Variants in NTRK3 observed in about 807,000 individuals in gnomAD.
NTRK3 encodes the protein NT-3 growth factor receptor.
In NTRK3, 24 loss-of-function variants were observed where a neutral mutation model predicts 91.7. The ratio of observed to expected loss-of-function variants is 0.26; its 90% CI spans 0.19 to 0.37. NTRK3 has a LOEUF of 0.37. NTRK3 is among the 10% of genes least tolerant of loss of function. The pLI is 1.00. For synonymous variants in NTRK3, 483 were observed against 404.0 expected, an observed-to-expected ratio of 1.20 and a Z score of -2.34; for missense variants, 880 against 1,068.9, an observed-to-expected ratio of 0.82 and a Z score of 2.46.
chr15:88,097,470 T>C (rs1485931308), intron 13 of NTRK3, among the ~76,000 whole-genome samples: 27 of 152,206 alleles, frequency 1.8e-4, no homozygotes, highest in Admixed American at 1.4e-3. Context: ...GATAGAGGCT[T>C]TGTTGATTGG....
rs7174995 is a variant in NTRK3, at chr15:88,137,756, T to A, written c.465-195A>T. Among the ~76,000 whole-genome samples the A allele has an allele frequency of 0.52, 79,625 of 152,070 alleles. 21,686 individuals are homozygous for A. Among genetic ancestry groups the A allele is most frequent in the African/African-American group, 0.69 (28,622 of 41,494 alleles). On this transcript the variant is annotated intron_variant, in intron 6 of 18. Transcript: ENST00000394480. ...TTTTAAAACAATAAACTCATTTTTT[T>A]AAAAAAAGAAATCCAGCCAGGTGCG...
chr15:88,049,218 G>A (rs16941174), intron 13 of NTRK3, among the ~76,000 whole-genome samples: 18,179 of 152,142 alleles, frequency 0.12, 1,290 homozygotes, highest in African/African-American at 0.2. Context: ...GTGATGCTTC[G>A]AATACTTACA....
At position 88,235,371 on chromosome 15, in the gene NTRK3, C is replaced by T. The variant is rs1333086500; in HGVS notation, c.248+20535G>A. 6.6e-6 allele frequency among the ~76,000 whole-genome samples: 1 copy of T among 152,206 alleles called. No homozygotes were observed. The highest frequency in any genetic ancestry group is 1.9e-4 in the East Asian group (1 of 5,186). Reference sequence around the variant, plus strand: ...GACCCACGCAGTCAGTACCCTGCCGCAGACAGTGGACACTCACTGGTCTCG... The same window carrying T: ...GACCCACGCAGTCAGTACCCTGCCGTAGACAGTGGACACTCACTGGTCTCG... On this transcript the variant is annotated intron_variant, in intron 3 of 18. Coordinates refer to ENST00000394480, the Ensembl canonical transcript of NTRK3. The surrounding 1 kb of genome is among the most constrained non-coding windows in gnomAD (Gnocchi z 5.2).
intron 14 of NTRK3, among the ~76,000 whole-genome samples, chr15:88,026,895 T>C (rs1169131946): frequency 6.6e-6 from 1 of 152,164 alleles, no homozygotes; most frequent in Non-Finnish European, 1.5e-5. Context: ...CTTGATTCTA[T>C]GGAGAATTCA....
exon 19 of NTRK3, chr15:87,861,563 G>A: frequency 5.1e-6 from 1 of 194,744 alleles, no homozygotes. Flanking sequence ...GTTTTAGCTG[G>A]ATGTTTAAAG....
intron 5 of NTRK3, among the ~76,000 whole-genome samples, chr15:88,153,556 CT>C (rs532414948): frequency 1.3e-5 from 2 of 151,930 alleles, no homozygotes; most frequent in African/African-American, 4.8e-5. Flanking sequence ...TGCCCAGCCT[CT>C]TTTTTTTCAC....
intron 13 of NTRK3, among the ~76,000 whole-genome samples, chr15:88,108,743 G>T (rs1367535990): frequency 6.6e-6 from 1 of 152,180 alleles, no homozygotes; most frequent in African/African-American, 2.4e-5. Context: ...CCCTCACTTG[G>T]AAGCTATAGC....
At chr15:88,119,354 C>T (rs2052451737) in intron 13 of NTRK3, among the ~76,000 whole-genome samples, 1 of 152,192 alleles carries the variant, frequency 6.6e-6, no homozygotes, top group Admixed American at 6.5e-5. Flanking sequence ...CGCAGAAGAC[C>T]CCTGGCTTCT....
intron 13 of NTRK3, among the ~76,000 whole-genome samples, chr15:88,080,580 G>A (rs1302448957): frequency 6.6e-6 from 1 of 152,220 alleles, no homozygotes; most frequent in African/African-American, 2.4e-5. Context: ...CAATTTACAA[G>A]GAAAAGTTAC....
rs149474089 is a variant in NTRK3, at chr15:87,894,148, G to A, written c.2134-13720C>T. 6.6e-5 allele frequency among the ~76,000 whole-genome samples: 10 copies of A among 152,286 alleles called. No homozygotes were observed. The East Asian group carries it at 1.5e-3, about 24-fold the overall frequency. The stretch of plus-strand genomic sequence containing the variant: ...CATGAAAAACTAAATCTATGCCTTC[G>A]TCATTCCCTGGGAAGTCTGGTTTCC... On this transcript the variant is annotated intron_variant, in intron 17 of 18. Transcript: ENST00000394480.
intron 14 of NTRK3, among the ~76,000 whole-genome samples, chr15:87,986,976 G>A (rs949918117): frequency 1.3e-5 from 2 of 152,196 alleles, no homozygotes; most frequent in African/African-American, 2.4e-5. Flanking sequence ...TTTGGCCCTT[G>A]GCCAATGAGT....
At chr15:88,052,901 C>G (rs965933236) in intron 13 of NTRK3, among the ~76,000 whole-genome samples, 1 of 152,140 alleles carries the variant, frequency 6.6e-6, no homozygotes, top group Non-Finnish European at 1.5e-5. Context: ...AAGGGGTTAT[C>G]TATCAGCTGA....
At chr15:88,044,786 G>A (rs1361805607) in intron 13 of NTRK3, among the ~76,000 whole-genome samples, 1 of 152,150 alleles carries the variant, frequency 6.6e-6, no homozygotes, top group Admixed American at 6.5e-5. Context: ...AATCCTGTGT[G>A]CTCACACTCA....
intron 17 of NTRK3, among the ~76,000 whole-genome samples, chr15:87,922,288 C>A (rs1374247865): frequency 6.6e-6 from 1 of 152,164 alleles, no homozygotes; most frequent in Non-Finnish European, 1.5e-5. Context: ...GCCTCAGGCT[C>A]TCAGCTCTGG....
intron 13 of NTRK3, among the ~76,000 whole-genome samples, chr15:88,039,991 G>A (rs1197550540): frequency 6.6e-6 from 1 of 152,242 alleles, no homozygotes; most frequent in Non-Finnish European, 1.5e-5. Flanking sequence ...AAGATGAACA[G>A]GCTATGACCT....
At chr15:87,903,805 G>A (rs931662776) in intron 17 of NTRK3, among the ~76,000 whole-genome samples, 2 of 152,182 alleles carry the variant, frequency 1.3e-5, no homozygotes, top group African/African-American at 2.4e-5. Context: ...AATGAAAAGG[G>A]GGGAAACCAC....
At chr15:88,180,477 C>T (rs2046355533) in intron 5 of NTRK3, among the ~76,000 whole-genome samples, 1 of 152,146 alleles carries the variant, frequency 6.6e-6, no homozygotes, top group Non-Finnish European at 1.5e-5. Context: ...GTACAGCAGA[C>T]AACTTGGCCA....
chr15:88,198,125 C>T (rs16941420), intron 3 of NTRK3, among the ~76,000 whole-genome samples: 9,389 of 152,192 alleles, frequency 0.062, 952 homozygotes, highest in African/African-American at 0.21. Context: ...AAGCAATCCT[C>T]GGGTTGGGCA....
At chr15:88,086,916 A>T (rs1258033653) in intron 13 of NTRK3, among the ~76,000 whole-genome samples, 1 of 152,212 alleles carries the variant, frequency 6.6e-6, no homozygotes, top group East Asian at 1.9e-4. Context: ...ATTGAATAAA[A>T]GTCATGGCCT....
Sources: gnomAD v4.1 joint callset for allele counts (sites outside exome capture counted in the v4.1 genomes callset) on GRCh38, gnomAD v4.1.1 for gene constraint, Gnocchi (gnomAD v3.1) non-coding constraint, MANE v1.5 for transcripts, NCBI Gene and HGNC (gene_info 2026-07-23, HGNC 2026-07-21) for gene names.